The following PARP2 variants were observed in gnomAD, a reference collection of about 807,000 sequenced individuals.
The protein encoded by PARP2 is poly(ADP-ribose) polymerase 2.
PARP2 carries 57 observed loss-of-function variants against 77.8 expected under a neutral mutation model. The observed-to-expected ratio is 0.73, with a 90% CI of 0.59 to 0.91. The LOEUF (loss-of-function observed/expected upper bound fraction) is 0.91, where lower values mean the gene tolerates loss of function less well. Ranked by LOEUF, PARP2 falls within the 40% of genes least tolerant of loss-of-function variation. The pLI, the probability that PARP2 is intolerant of heterozygous loss-of-function variation, is 0.00. For synonymous variants in PARP2, 226 were observed against 242.6 expected, an observed-to-expected ratio of 0.93 and a Z score of 0.64; for missense variants, 651 against 689.0, an observed-to-expected ratio of 0.94 and a Z score of 0.62.
At chr14:20,349,681 G>T (rs1883890004) in intron 4 of PARP2, among the ~76,000 whole-genome samples, 1 of 151,922 alleles carries the variant, frequency 6.6e-6, no homozygotes, top group Non-Finnish European at 1.5e-5. Flanking sequence ...CTCAAAAAAA[G>T]AAAATATCTT....
rs3093929 is a variant in PARP2 at position 20,355,963 on chromosome 14, T to A, written c.1033T>A (p.Leu345Met). 7 of 1,614,092 alleles carry A rather than the reference T, an allele frequency of 4.3e-6. No individual in the cohort carries two copies. Among genetic ancestry groups the A allele is most frequent in the Non-Finnish European group, 5.1e-6 (6 of 1,179,932 alleles). ...KTELQSPEHP[L>M]DQHYRNLHCA... ...AGAGCTACAAAGCCCAGAACACCCA[T>A]TGGACCAACACTATAGAAACCTACA... The change falls in exon 11 of 16, where the codon TTG becomes ATG. Residue 345 changes from leucine (L) to methionine (M), a missense_variant. Leu to Met is a conservative substitution (Grantham distance 15). Transcript: ENST00000429687.
chr14:20,347,098 G>A (rs537142928), intron 4 of PARP2, among the ~76,000 whole-genome samples, 185 bp downstream of exon 4: 62 of 148,260 alleles, frequency 4.2e-4, no homozygotes, highest in African/African-American at 5.5e-4. Flanking sequence ...GCACAATCTC[G>A]GCTTACTGTA....
rs3093928 is a variant in PARP2, at chr14:20,355,152, T to C, written c.902+205T>C. ...ATCTCCCGGCTTGACCACAGCCATATTCTCTGACAAAGTGGAAGTTACCAA... is the reference window on the plus strand; with the variant it reads ...ATCTCCCGGCTTGACCACAGCCATACTCTCTGACAAAGTGGAAGTTACCAA... On this transcript the variant is annotated intron_variant, in intron 9 of 15. Coordinates refer to ENST00000429687, the MANE Select transcript of PARP2 (RefSeq NM_001042618.2). The C allele has an allele frequency of 5.3e-3, 2,556 of 477,858 alleles. 31 individuals are homozygous for C. Among genetic ancestry groups the C allele is most frequent in the South Asian group, 0.035 (932 of 26,884 alleles). 29.6% of individuals were successfully genotyped at this position (477,858 alleles called of 1,614,324 possible). A position where few individuals can be genotyped will look rare whatever the true frequency, so the allele number is the denominator to read the frequency against.
chr14:20,356,854 C>T (rs878157), intron 13 of PARP2, 165 bp downstream of exon 13: 177,340 of 686,598 alleles, frequency 0.26, 24,236 homozygotes, highest in South Asian at 0.34. Context: ...CTTTAAATTC[C>T]TAAAGATACC....
chr14:20,356,736 G>T lies in PARP2; in HGVS notation c.1329+47G>T, dbSNP rs1225615548. 2.2e-6 allele frequency: 3 copies of T among 1,393,052 alleles called. No homozygotes were observed. In the East Asian group the frequency reaches 6.8e-5, roughly 32 times the overall value. 86.3% of individuals were successfully genotyped at this position (1,393,052 alleles called of 1,614,324 possible). Reference sequence around the variant, plus strand: ...GAGGAGCACAGGGGAAAGGGATACAGTAATGTTCTCAGTGCTTTTTTTCCT... The same window carrying T: ...GAGGAGCACAGGGGAAAGGGATACATTAATGTTCTCAGTGCTTTTTTTCCT... On this transcript the variant is annotated intron_variant, in intron 13 of 15. Coordinates refer to ENST00000429687, the MANE Select transcript of PARP2 (RefSeq NM_001042618.2).
chr14:20,356,117 G>C, intron 11 of PARP2, 86 bp downstream of exon 11: 1 of 1,510,730 alleles, frequency 6.6e-7, no homozygotes. Flanking sequence ...TTCTTGTCAA[G>C]AGCAAATTGT....
chr14:20,356,088 C>T, intron 11 of PARP2, 57 bp downstream of exon 11: 2 of 1,573,580 alleles, frequency 1.3e-6, no homozygotes, highest in East Asian at 2.2e-5. Context: ...CCTCCCCCAT[C>T]CCACTGTTCT....
rs770825459 is a variant in PARP2, at chr14:20,352,260, G to A, written c.513G>A (p.Thr171=). Residue 171 remains threonine (T), a synonymous_variant, in exon 7 of 16, where the codon ACG becomes ACA. Coordinates refer to ENST00000429687, the MANE Select transcript of PARP2 (RefSeq NM_001042618.2). The stretch of plus-strand genomic sequence containing the variant: ...GACTCTACAGATTCCTTGACAAAAC[G>A]AAAAACAATTGGGAAGATCGAGAAA... ...EIFQKKFLDK[T]KNNWEDREKF... is the part of the protein sequence containing the mutation. 46 of 1,611,190 alleles carry A rather than the reference G, an allele frequency of 2.9e-5. No individual in the cohort carries two copies. The Admixed American group carries it at 4.5e-4, about 16-fold the overall frequency.
intron 5 of PARP2, 103 bp downstream of exon 5, chr14:20,350,725 G>C: frequency 1.4e-6 from 1 of 734,052 alleles, no homozygotes; most frequent in South Asian, 1.6e-5. Flanking sequence ...GTCAGTAGAG[G>C]CTCTGAAGTC....
At chr14:20,352,380 ATCT>A (rs761176166) in intron 7 of PARP2, 33 bp downstream of exon 7, 6 of 1,267,122 alleles carry the variant, frequency 4.7e-6, no homozygotes, top group Admixed American at 3.6e-5. Flanking sequence ...AAAGAAACAC[ATCT>A]TCTTTTTTTA....
chr14:20,355,611 C>T (rs968063779), intron 9 of PARP2, 141 bp from the exon 10 acceptor site: 2 of 604,058 alleles, frequency 3.3e-6, no homozygotes, highest in Non-Finnish European at 5.9e-6. Context: ...GATCTCTTTA[C>T]AGATCTCTTT....
At chr14:20,344,791 CGA>C in intron 1 of PARP2, 139 bp from the exon 2 acceptor site, 1 of 630,988 alleles carries the variant, frequency 1.6e-6, no homozygotes, top group South Asian at 2.0e-5. Flanking sequence ...CCAGCCTGGG[CGA>C]GAGAGTGAGA....
chr14:20,346,933 G>A lies in PARP2; in HGVS notation c.324+20G>A. ...AATCAGGTAAGAGGCAAGAAGAGGT[G>A]GCACCATTATATTTATGAGACCATC... On this transcript the variant is annotated intron_variant, in intron 4 of 15. Coordinates refer to ENST00000429687, the MANE Select transcript of PARP2 (RefSeq NM_001042618.2). 1 of 1,531,170 alleles carries A rather than the reference G, an allele frequency of 6.5e-7. No individual in the cohort carries two copies. Among genetic ancestry groups the A allele is most frequent in the Non-Finnish European group, 9.0e-7 (1 of 1,106,392 alleles). 94.8% of individuals were successfully genotyped at this position (1,531,170 alleles called of 1,614,324 possible). A position where few individuals can be genotyped will look rare whatever the true frequency, so the allele number is the denominator to read the frequency against.
At position 20,354,805 on chromosome 14, in the gene PARP2, G is replaced by T; in HGVS notation, c.764-4G>T. ...TGGAGTCTGATCTCTGGGTGGGCCTGCAGGGAAGCTGACAGTGGCACAAAT... is the reference window on the plus strand; with the variant it reads ...TGGAGTCTGATCTCTGGGTGGGCCTTCAGGGAAGCTGACAGTGGCACAAAT... On this transcript the variant is annotated splice_region_variant and splice_polypyrimidine_tract_variant and intron_variant, in intron 8 of 15. Coordinates refer to ENST00000429687, the MANE Select transcript of PARP2 (RefSeq NM_001042618.2). 6.2e-7 allele frequency: 1 copy of T among 1,610,518 alleles called. No individual in the cohort carries two copies. Among genetic ancestry groups the T allele is most frequent in the Non-Finnish European group, 8.5e-7 (1 of 1,178,230 alleles).
At chr14:20,354,357 A>G (rs942350119) in intron 8 of PARP2, 110 bp downstream of exon 8, 1 of 939,550 alleles carries the variant, frequency 1.1e-6, no homozygotes, top group Non-Finnish European at 1.6e-6. Context: ...TGAATGAAGA[A>G]AATGGGATTT....
At chr14:20,352,417 G>T in intron 7 of PARP2, 70 bp downstream of exon 7, 1 of 948,804 alleles carries the variant, frequency 1.1e-6, no homozygotes. Flanking sequence ...AGGCAAAACT[G>T]TGCTCTGTTG....
rs372400226 is a variant in PARP2, at chr14:20,357,487, A to G, written c.1520A>G (p.Lys507Arg). 1 of 1,613,676 alleles carries G rather than the reference A, an allele frequency of 6.2e-7. No individual in the cohort carries two copies. Among genetic ancestry groups the G allele is most frequent in the Non-Finnish European group, 8.5e-7 (1 of 1,179,868 alleles). The change falls in exon 15 of 16, where the codon AAG becomes AGG. Residue 507 changes from lysine to arginine, a missense_variant. Transcript: ENST00000429687. ...AAACATAGCACCAAGGGGCTGGGCA[A>G]GATGGCTCCCAGTTCTGCCCACTTC... Reference protein sequence around the residue: ...QGKHSTKGLGKMAPSSAHFVT... With the variant: ...QGKHSTKGLGRMAPSSAHFVT...
At chr14:20,345,616 A>C (rs1052611777) in intron 3 of PARP2, 152 bp downstream of exon 3, 3 of 615,466 alleles carry the variant, frequency 4.9e-6, no homozygotes, top group Admixed American at 2.9e-5. Context: ...GGCAAGAGAT[A>C]GGAGTGGTAG....
chr14:20,344,886 G>T, intron 1 of PARP2, 46 bp from the exon 2 acceptor site: 1 of 1,109,538 alleles, frequency 9.0e-7, no homozygotes. Context: ...AAATCTACAC[G>T]TATTCGGGTG....
Sources: allele counts gnomAD v4.1 joint callset (sites outside exome capture counted in the v4.1 genomes callset), GRCh38; gene constraint gnomAD v4.1.1; transcripts MANE v1.5; gene names NCBI Gene and HGNC (gene_info 2026-07-23, HGNC 2026-07-21).